Variants in COL5A2 observed in about 807,000 individuals in gnomAD.
COL5A2 encodes collagen type V alpha 2 chain.
A neutral mutation model predicts 208.2 loss-of-function variants in COL5A2; 23 were observed. The observed-to-expected ratio is 0.11, with a 90% CI of 0.08 to 0.16. The LOEUF (loss-of-function observed/expected upper bound fraction) is 0.16, where lower values mean the gene tolerates loss of function less well. Ranked by LOEUF, COL5A2 falls within the 10% of genes least tolerant of loss-of-function variation. COL5A2 has a pLI of 1.00. For synonymous variants in COL5A2, 625 were observed against 628.5 expected (o/e 0.99, Z 0.08); for missense variants, 1,590 against 1,956.4 (o/e 0.81, Z 3.53).
At chr2:189,049,692 G>C (rs888043109) in intron 43 of COL5A2, among the ~76,000 whole-genome samples, 12 of 152,194 alleles carry the variant, frequency 7.9e-5, no homozygotes, top group Admixed American at 6.5e-4. Flanking sequence ...CAGCACAGGT[G>C]TGCATTTTGG....
chr2:189,225,614 T>C (rs1345368865), upstream of COL5A2, among the ~76,000 whole-genome samples: 1 of 152,114 alleles, frequency 6.6e-6, no homozygotes, highest in Non-Finnish European at 1.5e-5. Flanking sequence ...ATATAATCAG[T>C]ATTTTGGAGA....
the COL5A2 span, among the ~76,000 whole-genome samples, chr2:189,412,862 G>T: frequency 6.6e-6 from 1 of 152,126 alleles, no homozygotes; most frequent in Non-Finnish European, 1.5e-5. Context: ...AGCGACTCAA[G>T]AATTATCATA....
chr2:189,067,909 A>G (rs1686187657), intron 21 of COL5A2, 106 bp downstream of exon 21: 2 of 941,426 alleles, frequency 2.1e-6, no homozygotes, highest in Non-Finnish European at 3.4e-6. Flanking sequence ...CCACATTTGG[A>G]TAAGTCACGT....
chr2:189,292,563 C>G, the COL5A2 span, among the ~76,000 whole-genome samples: 1 of 152,192 alleles, frequency 6.6e-6, no homozygotes, highest in Non-Finnish European at 1.5e-5. Flanking sequence ...GATGCCATCT[C>G]ACACCAGATA....
rs13421412 is a variant in COL5A2 at position 189,070,644 on chromosome 2, T to C, written c.1158+1396A>G. 4.6e-3 allele frequency among the ~76,000 whole-genome samples: 694 copies of C among 152,090 alleles called. 5 individuals carry two copies. Among genetic ancestry groups the C allele is most frequent in the African/African-American group, 0.015 (640 of 41,572 alleles). ...GCTAGTGAAGTTAAAGTAAACCCCA[T>C]GAAAGTTGTAGTATAAACCTCTTTC... On this transcript the variant is annotated intron_variant, in intron 18 of 53. Coordinates refer to ENST00000374866, the MANE Select transcript of COL5A2 (RefSeq NM_000393.5).
chr2:189,294,035 C>T, the COL5A2 span, among the ~76,000 whole-genome samples: 2 of 147,446 alleles, frequency 1.4e-5, no homozygotes, highest in Non-Finnish European at 1.5e-5. Flanking sequence ...TTGCAGTGAG[C>T]TGAGATCATG....
intron 31 of COL5A2, among the ~76,000 whole-genome samples, chr2:189,060,164 A>C (rs1179671992): frequency 1.3e-5 from 2 of 152,080 alleles, no homozygotes; most frequent in Non-Finnish European, 2.9e-5. Context: ...ATTTAGGTGC[A>C]TCTTTTTTGT....
chr2:189,185,877 G>A (rs150861791), intron 1 of COL5A2, among the ~76,000 whole-genome samples: 159 of 152,272 alleles, frequency 1.0e-3, no homozygotes, highest in Middle Eastern at 3.4e-3. Flanking sequence ...TGTCAATCCC[G>A]GAGAACCAGG....
intron 1 of COL5A2, among the ~76,000 whole-genome samples, chr2:189,153,326 C>T (rs1450375332): frequency 6.6e-6 from 1 of 152,138 alleles, no homozygotes; most frequent in Non-Finnish European, 1.5e-5. Flanking sequence ...CTCACAACAG[C>T]TATTTGGTAA....
the COL5A2 span, among the ~76,000 whole-genome samples, chr2:189,425,966 C>A: frequency 2.6e-5 from 4 of 152,160 alleles, no homozygotes; most frequent in African/African-American, 4.8e-5. Flanking sequence ...AATTAAACTT[C>A]TTTTCTTTAT....
the COL5A2 span, among the ~76,000 whole-genome samples, chr2:189,323,664 A>G: frequency 6.6e-6 from 1 of 152,230 alleles, no homozygotes; most frequent in Non-Finnish European, 1.5e-5. Flanking sequence ...GCTCAATGAA[A>G]TAAAAGAGGA....
At chr2:189,137,080 A>G (rs1024164219) in intron 1 of COL5A2, among the ~76,000 whole-genome samples, 1 of 152,192 alleles carries the variant, frequency 6.6e-6, no homozygotes, top group African/African-American at 2.4e-5. Context: ...ATTAATCTAC[A>G]GTTAACAAAT....
the COL5A2 span, among the ~76,000 whole-genome samples, chr2:189,265,830 A>G: frequency 2.0e-5 from 3 of 152,208 alleles, no homozygotes; most frequent in African/African-American, 7.2e-5. Context: ...GGTATTGGTG[A>G]GGAAGTGAAG....
chr2:189,053,990 C>G (rs1685847345), intron 36 of COL5A2, 42 bp from the exon 37 acceptor site: 2 of 1,589,462 alleles, frequency 1.3e-6, no homozygotes, highest in African/African-American at 1.3e-5. Context: ...AAAACAGTAG[C>G]TAAACATAAT....
chr2:189,393,380 T>C, the COL5A2 span, among the ~76,000 whole-genome samples: 15 of 152,210 alleles, frequency 9.9e-5, no homozygotes, highest in Non-Finnish European at 1.5e-4. Context: ...AAACTTCATA[T>C]GCAAATAGCT....
intron 12 of COL5A2, among the ~76,000 whole-genome samples, chr2:189,083,286 G>A (rs949481193): frequency 6.6e-6 from 1 of 152,172 alleles, no homozygotes; most frequent in Non-Finnish European, 1.5e-5. Context: ...TGAGTGACAA[G>A]AGACAGGTGG....
the COL5A2 span, among the ~76,000 whole-genome samples, chr2:189,339,350 CAAAAA>C: frequency 2.6e-5 from 3 of 114,386 alleles, no homozygotes. Context: ...GACTCTGTCT[CAAAAA>C]AAAAAAAAAA....
the COL5A2 span, among the ~76,000 whole-genome samples, chr2:189,337,508 A>G: frequency 4.6e-5 from 7 of 152,188 alleles, no homozygotes; most frequent in African/African-American, 1.7e-4. Flanking sequence ...TAAATAAAAA[A>G]AAGTTTTCAA....
At position 189,063,184 on chromosome 2, in the gene COL5A2, G is replaced by A; in HGVS notation, c.1857C>T (p.Pro619=). ...GQPGSMGLPG[P]KGSSGDPGKP... is the part of the protein sequence containing the mutation. ...ACACTGTACTCACACTGCTACCTTT[G>A]GGGCCTGGAAGGCCCATGCTCCCGG... The change falls in exon 27 of 54, where the codon CCC becomes CCT. Residue 619 remains proline (P), a synonymous_variant. Coordinates refer to ENST00000374866, the MANE Select transcript of COL5A2 (RefSeq NM_000393.5). The A allele has an allele frequency of 6.2e-7, 1 of 1,613,898 alleles. No homozygotes were observed. Among genetic ancestry groups the A allele is most frequent in the South Asian group, 1.1e-5 (1 of 91,080 alleles).
Sources: gnomAD v4.1 joint callset for allele counts (sites outside exome capture counted in the v4.1 genomes callset) on GRCh38, gnomAD v4.1.1 for gene constraint, MANE v1.5 for transcripts, NCBI Gene and HGNC (gene_info 2026-07-23, HGNC 2026-07-21) for gene names.